The following ZNF292 variants were observed in gnomAD, a reference collection of about 807,000 sequenced individuals.
ZNF292 encodes zinc finger protein 292.
Under a neutral mutation model 217.9 loss-of-function variants are expected in ZNF292, and 26 were observed. The ratio of observed to expected loss-of-function variants is 0.12; its 90% confidence interval spans 0.09 to 0.17. The LOEUF is 0.17. Ranked by LOEUF, ZNF292 falls within the 10% of genes least tolerant of loss-of-function variation. ZNF292 has a pLI of 1.00. For synonymous variants in ZNF292, 1,257 were observed against 1,124.1 expected, an observed-to-expected ratio of 1.12 and a Z score of -2.37; for missense variants, 2,904 against 3,175.2, an observed-to-expected ratio of 0.91 and a Z score of 2.05.
chr6:87,258,578 G>A lies in ZNF292; in HGVS notation c.4949G>A (p.Ser1650Asn). The A allele has an allele frequency of 6.2e-7, 1 of 1,613,678 alleles. No individual in the cohort carries two copies. The highest frequency in any genetic ancestry group is 8.5e-7 in the Non-Finnish European group (1 of 1,179,788). The change falls in exon 8 of 8, where the codon AGT (serine) becomes AAT (asparagine). Residue 1650 changes from serine (S) to asparagine (N), a missense_variant. Transcript: ENST00000369577. ...AACGCTTCCCAAAACTTGGTAACAA[G>A]TGACTTAACAACAATGGGACTCATA... ...APNASQNLVT[S>N]DLTTMGLIAK...
chr6:87,162,919 G>T (rs1770797930), intron 1 of ZNF292, among the ~76,000 whole-genome samples: 1 of 152,126 alleles, frequency 6.6e-6, no homozygotes, highest in Non-Finnish European at 1.5e-5. Flanking sequence ...TCTTATAGTT[G>T]TAAAATGGAA....
At position 87,257,396 on chromosome 6, in the gene ZNF292, A is replaced by C; in HGVS notation, c.3767A>C (p.Asp1256Ala). Residue 1256 changes from aspartate (D) to alanine (A), a missense_variant, in exon 8 of 8, where the codon GAC (aspartate) becomes GCC (alanine). Physicochemically the swap from Asp to Ala is moderately radical, Grantham distance 126 (BLOSUM62 -2). Around this residue, in one of 15 missense-constraint regions of ZNF292, gnomAD observed 687 missense variants for 623.0 expected, o/e 1.10. Coordinates refer to ENST00000369577, the MANE Select transcript of ZNF292 (RefSeq NM_015021.3). ...AAAACAGTTCTGCCTTTGAATATTG[A>C]CAGTGGCTCAGATCCTTTCCTTCCT... is the stretch of plus-strand genomic sequence containing the variant. ...LTKTVLPLNI[D>A]SGSDPFLPLP... 6.2e-7 allele frequency: 1 copy of C among 1,613,636 alleles called. No homozygotes were observed. Among genetic ancestry groups the C allele is most frequent in the Non-Finnish European group, 8.5e-7 (1 of 1,179,742 alleles).
chr6:87,215,906 C>A lies in ZNF292; in HGVS notation c.172C>A (p.Leu58Ile), dbSNP rs1772729840. Reference sequence around the variant, plus strand: ...TTTATTATTCCTTCCAAAACAGACACTCCTAGAATATGCAGAGAAATGGAA... The same window carrying A: ...TTTATTATTCCTTCCAAAACAGACAATCCTAGAATATGCAGAGAAATGGAA... Reference protein sequence around the residue: ...TDYCQQLCQTLLEYAEKWKTS... With the variant: ...TDYCQQLCQTILEYAEKWKTS... The change falls in exon 2 of 8, where the codon CTC (leucine) becomes ATC (isoleucine). Residue 58 changes from leucine (L) to isoleucine (I), a missense_variant. Physicochemically the swap from Leu to Ile is conservative, Grantham distance 5. Coordinates refer to ENST00000369577, the MANE Select transcript of ZNF292 (RefSeq NM_015021.3). 6.3e-7 allele frequency: 1 copy of A among 1,597,374 alleles called. No individual in the cohort carries two copies. Among genetic ancestry groups the A allele is most frequent in the East Asian group, 2.3e-5 (1 of 44,126 alleles).
chr6:87,194,924 G>C (rs1002030342), intron 1 of ZNF292, among the ~76,000 whole-genome samples: 4 of 103,826 alleles, frequency 3.9e-5, no homozygotes, highest in African/African-American at 1.6e-4. Context: ...AAATTGAAAA[G>C]CTCATTTGAA....
intron 1 of ZNF292, among the ~76,000 whole-genome samples, chr6:87,168,807 T>A (rs1770997519): frequency 6.6e-6 from 1 of 152,032 alleles, no homozygotes; most frequent in Non-Finnish European, 1.5e-5. Flanking sequence ...GTAATTAAAT[T>A]TAAAAATAGT....
At chr6:87,190,243 CAA>C (rs2127782347) in intron 1 of ZNF292, among the ~76,000 whole-genome samples, 1 of 152,234 alleles carries the variant, frequency 6.6e-6, no homozygotes, top group African/African-American at 2.4e-5. Flanking sequence ...TAATAACTAA[CAA>C]AATTTATTAT....
At position 87,258,507 on chromosome 6, in the gene ZNF292, T is replaced by A. The variant is rs1562189101; in HGVS notation, c.4878T>A (p.Ser1626Arg). The A allele has an allele frequency of 6.2e-7, 1 of 1,613,690 alleles. No individual in the cohort carries two copies. ...GTCATTTAAATAAAAAGGGAAACAG[T>A]GCTTCTAAGAGAAGAAAGAAAGTTG... Reference protein sequence around the residue: ...RSSHLNKKGNSASKRRKKVAP... With the variant: ...RSSHLNKKGNRASKRRKKVAP... The change falls in exon 8 of 8, where the codon AGT becomes AGA. Residue 1626 changes from serine to arginine, a missense_variant. By Grantham distance (110) the Ser-to-Arg change is moderately radical. This residue lies in a region of ZNF292 where 622 missense variants were observed against 573.1 expected (regional missense o/e 1.09). Transcript: ENST00000369577.
intron 7 of ZNF292, among the ~76,000 whole-genome samples, chr6:87,249,778 C>T (rs947622317): frequency 5.3e-5 from 8 of 151,934 alleles, no homozygotes; most frequent in Admixed American, 4.6e-4. Flanking sequence ...AGTGCAATCT[C>T]GGCTCACTAC....
intron 1 of ZNF292, among the ~76,000 whole-genome samples, chr6:87,161,486 A>G (rs995510267): frequency 2.6e-5 from 4 of 152,230 alleles, no homozygotes; most frequent in African/African-American, 9.6e-5. Context: ...GCAGTGACAC[A>G]GTCACGGCTC....
At position 87,179,042 on chromosome 6, in the gene ZNF292, A is replaced by G. The variant is rs112525073; in HGVS notation, c.168+23283A>G. 3.6e-3 allele frequency among the ~76,000 whole-genome samples: 555 copies of G among 152,240 alleles called. 2 individuals are homozygous for G. Among genetic ancestry groups the G allele is most frequent in the African/African-American group, 0.013 (534 of 41,552 alleles). Reference sequence around the variant, plus strand: ...AAAGGTTGAATAATACATATTTATGAACTATAGTGATAGCAATTTGTTGCA... The same window carrying G: ...AAAGGTTGAATAATACATATTTATGGACTATAGTGATAGCAATTTGTTGCA... On this transcript the variant is annotated intron_variant, in intron 1 of 7. Transcript: ENST00000369577.
Position 87,259,734 on chromosome 6 carries a change from T to C in ZNF292, c.6105T>C (p.Asn2035=), listed in dbSNP as rs1173355770. 3 of 1,603,898 alleles carry C rather than the reference T, an allele frequency of 1.9e-6. No individual in the cohort carries two copies. Among genetic ancestry groups the C allele is most frequent in the Non-Finnish European group, 2.6e-6 (3 of 1,175,000 alleles). ...CAGAGACCCAAAATACCCACAGTAA[T>C]GTAGCAGTGATCCCAGAAAAACAAC... ...LRAETQNTHS[N]VAVIPEKQLV... is the part of the protein sequence containing the mutation. The change falls in exon 8 of 8, where the codon AAT becomes AAC. Residue 2035 remains asparagine, a synonymous_variant. Coordinates refer to ENST00000369577, the MANE Select transcript of ZNF292 (RefSeq NM_015021.3).
At chr6:87,159,027 A>G (rs1488212675) in intron 1 of ZNF292, among the ~76,000 whole-genome samples, 1 of 152,220 alleles carries the variant, frequency 6.6e-6, no homozygotes. Context: ...TAAAAAATGA[A>G]TTAGTTTACA....
chr6:87,159,308 G>A (rs1770642534), intron 1 of ZNF292, among the ~76,000 whole-genome samples: 1 of 152,048 alleles, frequency 6.6e-6, no homozygotes, highest in African/African-American at 2.4e-5. Context: ...GCTTAAGTGG[G>A]AGGAGGGAAG....
chr6:87,167,505 G>A (rs1285934621), intron 1 of ZNF292, among the ~76,000 whole-genome samples: 4 of 152,172 alleles, frequency 2.6e-5, no homozygotes, highest in East Asian at 3.8e-4. Flanking sequence ...GCTGGGCTTG[G>A]TGGCACATGC....
chr6:87,204,603 G>A (rs1381760069), intron 1 of ZNF292, among the ~76,000 whole-genome samples: 8 of 107,364 alleles, frequency 7.5e-5, no homozygotes, highest in Admixed American at 2.9e-4. Context: ...CGCTCTTATC[G>A]CCCAGGCTGG....
At chr6:87,164,560 T>C (rs138217377) in intron 1 of ZNF292, among the ~76,000 whole-genome samples, 32 of 152,282 alleles carry the variant, frequency 2.1e-4, no homozygotes, top group African/African-American at 7.5e-4. Flanking sequence ...TGAGGCACTT[T>C]TATGGGACAC....
Position 87,218,716 on chromosome 6 carries a change from T to C in ZNF292, c.523T>C (p.Leu175=), listed in dbSNP as rs769385024. 7.4e-5 allele frequency: 117 copies of C among 1,590,028 alleles called. No individual in the cohort carries two copies. The highest frequency in any genetic ancestry group is 9.5e-5 in the Non-Finnish European group (111 of 1,170,942). The change falls in exon 4 of 8, where the codon TTG becomes CTG. Residue 175 remains leucine, a synonymous_variant. Transcript: ENST00000369577. ...GTGCACTATTCTTTCCCAGGAACCATTGGATAAGGATAAAGGTAAATTTTC... is the reference window on the plus strand; with the variant it reads ...GTGCACTATTCTTTCCCAGGAACCACTGGATAAGGATAAAGGTAAATTTTC... ...VLCTILSQEP[L]DKDKVNEFLA...
At chr6:87,235,114 T>C (rs1773840517) in intron 5 of ZNF292, among the ~76,000 whole-genome samples, 1 of 152,162 alleles carries the variant, frequency 6.6e-6, no homozygotes, top group Admixed American at 6.5e-5. Context: ...TACAGGTAAT[T>C]GGCCTTTTAA....
At chr6:87,216,416 T>G (rs375958988) in intron 3 of ZNF292, 39 bp downstream of exon 3, 24 of 1,418,234 alleles carry the variant, frequency 1.7e-5, no homozygotes, top group Non-Finnish European at 2.2e-5. Flanking sequence ...CAGGTATATC[T>G]TATGTCAGTT....
Sources: gnomAD v4.1 joint callset for allele counts (sites outside exome capture counted in the v4.1 genomes callset) on GRCh38, gnomAD v4.1.1 for gene constraint, gnomAD v4.1.1 regional missense constraint, MANE v1.5 for transcripts, NCBI Gene and HGNC (gene_info 2026-07-23, HGNC 2026-07-21) for gene names.